The following PTPRK variants were observed in gnomAD, a reference collection of about 807,000 sequenced individuals.
The protein encoded by PTPRK is receptor-type tyrosine-protein phosphatase kappa.
PTPRK carries 75 observed loss-of-function variants against 178.0 expected under a neutral mutation model. The observed-to-expected ratio is 0.42, with a 90% CI of 0.35 to 0.51. The LOEUF is 0.51. Among genes scored for constraint, PTPRK ranks in the 20% least tolerant of loss-of-function variants. PTPRK has a pLI of 0.02. For missense variants in PTPRK, 1,441 were observed against 1,797.8 expected, an observed-to-expected ratio of 0.80 and a Z score of 3.59; for synonymous variants, 637 against 620.6, an observed-to-expected ratio of 1.03 and a Z score of -0.39.
chr6:128,296,457 T>C (rs982858442), intron 3 of PTPRK, among the ~76,000 whole-genome samples: 4 of 152,054 alleles, frequency 2.6e-5, no homozygotes, highest in Non-Finnish European at 4.4e-5. Flanking sequence ...GGAAAAAATG[T>C]TAAGGGCAGC....
At chr6:128,358,209 A>G (rs1335797514) in intron 2 of PTPRK, among the ~76,000 whole-genome samples, 3 of 152,210 alleles carry the variant, frequency 2.0e-5, no homozygotes, top group South Asian at 4.1e-4. Flanking sequence ...TTGACTTATA[A>G]TAACCACAAT....
chr6:128,067,860 A>AT (rs934048299), intron 11 of PTPRK, 68 bp from the exon 12 acceptor site: 94 of 1,392,496 alleles, frequency 6.8e-5, no homozygotes, highest in East Asian at 6.5e-4. Flanking sequence ...AGATACTAAG[A>AT]TTTTTTTTAA....
chr6:128,239,024 C>T (rs1007857825), intron 5 of PTPRK, among the ~76,000 whole-genome samples: 2 of 151,706 alleles, frequency 1.3e-5, no homozygotes. Context: ...ATTACAACCA[C>T]CTGCAAACTA....
At chr6:128,033,431 C>T (rs1775681286) in intron 13 of PTPRK, among the ~76,000 whole-genome samples, 1 of 152,234 alleles carries the variant, frequency 6.6e-6, no homozygotes, top group Non-Finnish European at 1.5e-5. Context: ...ACAGTTTCCA[C>T]TGCCAGATTT....
chr6:127,980,613 T>C (rs1484767646), intron 25 of PTPRK, among the ~76,000 whole-genome samples: 1 of 152,220 alleles, frequency 6.6e-6, no homozygotes, highest in African/African-American at 2.4e-5. Context: ...TTCATTATGA[T>C]GGATGTGTTA....
At chr6:128,401,796 T>A (rs1472254197) in intron 1 of PTPRK, among the ~76,000 whole-genome samples, 1 of 152,212 alleles carries the variant, frequency 6.6e-6, no homozygotes, top group African/African-American at 2.4e-5. Context: ...TATAGTTTTT[T>A]CAAGTAAAAA....
At chr6:128,084,747 A>G (rs1254485812) in intron 8 of PTPRK, among the ~76,000 whole-genome samples, 3 of 152,218 alleles carry the variant, frequency 2.0e-5, no homozygotes, top group Admixed American at 1.3e-4. Context: ...GCTGCTATTT[A>G]TTCACATGAA....
At chr6:127,996,460 T>C (rs1466678216) in intron 17 of PTPRK, among the ~76,000 whole-genome samples, 3 of 152,038 alleles carry the variant, frequency 2.0e-5, no homozygotes, top group Non-Finnish European at 2.9e-5. Context: ...TAATAGCCAA[T>C]GTTGTTTTTG....
intron 1 of PTPRK, among the ~76,000 whole-genome samples, chr6:128,462,423 C>A (rs1487262760): frequency 6.6e-6 from 1 of 151,708 alleles, no homozygotes; most frequent in African/African-American, 2.4e-5. Context: ...GATAGTAACA[C>A]TCTTTTGTTC....
At chr6:128,159,841 T>C (rs752614360) in intron 7 of PTPRK, among the ~76,000 whole-genome samples, 13 of 151,722 alleles carry the variant, frequency 8.6e-5, no homozygotes, top group Non-Finnish European at 1.5e-4. Context: ...TAGATTGTGA[T>C]GTCAAAACAG....
chr6:128,062,592 CTT>C (rs1781042604), intron 13 of PTPRK: 1 of 167,000 alleles, frequency 6.0e-6, no homozygotes, highest in Non-Finnish European at 1.5e-5. Flanking sequence ...TTATGTCCCT[CTT>C]AAGTACAAAA....
chr6:128,125,695 C>A (rs1012856222), intron 7 of PTPRK, among the ~76,000 whole-genome samples: 1 of 149,872 alleles, frequency 6.7e-6, no homozygotes, highest in African/African-American at 2.5e-5. Flanking sequence ...CTGCAACCCC[C>A]GCCTCCCAGG....
chr6:128,269,522 A>T (rs951886898), intron 3 of PTPRK, among the ~76,000 whole-genome samples: 80 of 137,186 alleles, frequency 5.8e-4, no homozygotes, highest in African/African-American at 2.4e-3. Context: ...AATAAATTTA[A>T]AAAAAAAAAA....
In PTPRK at chr6:128,459,608, C is replaced by T. The variant is rs534296471; in HGVS notation, c.100+60651G>A. Among the ~76,000 whole-genome samples, 3 of 152,304 alleles carry T rather than the reference C, an allele frequency of 2.0e-5. No homozygotes were observed. The South Asian group carries it at 6.2e-4, about 32-fold the overall frequency. ...TAGACTGCAAGAAAATGCTCATAGT[C>T]TGTTGCTATCATTCTTTAAGTTCCT... is the stretch of plus-strand genomic sequence containing the variant. On this transcript the variant is annotated intron_variant, in intron 1 of 29. Coordinates refer to ENST00000368226, the MANE Select transcript of PTPRK (RefSeq NM_002844.4).
chr6:128,088,607 A>G (rs1344423185), intron 8 of PTPRK, among the ~76,000 whole-genome samples: 1 of 152,116 alleles, frequency 6.6e-6, no homozygotes, highest in African/African-American at 2.4e-5. Context: ...ACATCCAAAG[A>G]GTGACTTATT....
intron 13 of PTPRK, among the ~76,000 whole-genome samples, chr6:128,040,987 T>C (rs539461388): frequency 1.3e-5 from 2 of 152,194 alleles, no homozygotes; most frequent in South Asian, 2.1e-4. Flanking sequence ...TAAAATTCAT[T>C]TTCTCTGCCT....
At chr6:128,419,807 CA>C (rs1843274197) in intron 1 of PTPRK, among the ~76,000 whole-genome samples, 2 of 151,944 alleles carry the variant, frequency 1.3e-5, no homozygotes, top group African/African-American at 4.8e-5. Flanking sequence ...ATGTTCCCAA[CA>C]AAAAAACTGT....
intron 2 of PTPRK, among the ~76,000 whole-genome samples, chr6:128,368,614 G>C (rs182044223): frequency 6.6e-6 from 1 of 152,198 alleles, no homozygotes; most frequent in East Asian, 1.9e-4. Flanking sequence ...AGGAGTATCT[G>C]AGTCAGAAAT....
intron 7 of PTPRK, among the ~76,000 whole-genome samples, chr6:128,095,048 G>C (rs1270429175): frequency 6.6e-6 from 1 of 151,710 alleles, no homozygotes; most frequent in South Asian, 2.1e-4. Context: ...TCACAAGAGA[G>C]GCCAAAGAGA....
Sources: allele counts gnomAD v4.1 joint callset (sites outside exome capture counted in the v4.1 genomes callset), GRCh38; gene constraint gnomAD v4.1.1; transcripts MANE v1.5; gene names NCBI Gene and HGNC (gene_info 2026-07-23, HGNC 2026-07-21).